ANKRD44: variants seen among roughly 807,000 people sequenced by gnomAD.
ANKRD44 encodes the protein serine/threonine-protein phosphatase 6 regulatory ankyrin repeat subunit B.
In ANKRD44, 35 loss-of-function variants were observed where a neutral mutation model predicts 116.0. That is an observed-to-expected ratio of 0.30 (90% CI 0.23 to 0.40). The LOEUF is 0.40. ANKRD44 is among the 10% of genes least tolerant of loss of function. ANKRD44 has a pLI of 1.00. For missense variants in ANKRD44, 1,014 were observed against 1,242.6 expected (o/e 0.82, Z 2.77); for synonymous variants, 435 against 461.8 (o/e 0.94, Z 0.74).
intron 3 of ANKRD44, among the ~76,000 whole-genome samples, chr2:197,142,075 T>C (rs935595626): frequency 9.2e-5 from 14 of 152,230 alleles, no homozygotes; most frequent in Non-Finnish European, 1.5e-4. Flanking sequence ...CTAGGGTATA[T>C]TGATTCTTCA....
At chr2:197,081,077 C>T (rs1358694662) in intron 15 of ANKRD44, among the ~76,000 whole-genome samples, 1 of 152,146 alleles carries the variant, frequency 6.6e-6, no homozygotes, top group Non-Finnish European at 1.5e-5. Context: ...TGATGGCAGG[C>T]ACTCCCACCC....
chr2:197,151,429 C>A (rs766028135), intron 2 of ANKRD44, among the ~76,000 whole-genome samples: 3 of 152,122 alleles, frequency 2.0e-5, no homozygotes, highest in Non-Finnish European at 4.4e-5. Flanking sequence ...AGGGGGAACA[C>A]CCCCACTATT....
chr2:197,305,096 G>A (rs2084028280), intron 1 of ANKRD44, among the ~76,000 whole-genome samples: 2 of 152,056 alleles, frequency 1.3e-5, no homozygotes, highest in East Asian at 1.9e-4. Context: ...ATTCTCAAAC[G>A]GATAAAAATG....
chr2:197,171,996 C>CTTT lies in ANKRD44; in HGVS notation c.111+15026_111+15027insAAA, dbSNP rs1559122763. Among the ~76,000 whole-genome samples, 8 of 29,314 alleles carry CTTT rather than the reference C, an allele frequency of 2.7e-4. 2 individuals are homozygous for CTTT. Among genetic ancestry groups the CTTT allele is most frequent in the Non-Finnish European group, 2.8e-4 (2 of 7,030 alleles). 19.2% of individuals were successfully genotyped at this position (29,314 alleles called of 152,430 possible). A position where few individuals can be genotyped will look rare whatever the true frequency, so the allele number is the denominator to read the frequency against. On this transcript the variant is annotated intron_variant, in intron 2 of 27. Coordinates refer to ENST00000282272, the MANE Select transcript of ANKRD44 (RefSeq NM_001195144.2). ...TATTATTACCATGTCCGTTATTTTT[C>CTTT]TTCTTTTTTTTTTTTTTTTTTGAGA... is the stretch of plus-strand genomic sequence containing the variant.
At chr2:196,968,246 A>G (rs2075689052) in intron 21 of ANKRD44, among the ~76,000 whole-genome samples, 1 of 152,196 alleles carries the variant, frequency 6.6e-6, no homozygotes, top group African/African-American at 2.4e-5. Context: ...TGGAAATGGA[A>G]TTGGTTGACG....
At chr2:197,279,826 G>A (rs567831170) in intron 1 of ANKRD44, among the ~76,000 whole-genome samples, 1 of 152,126 alleles carries the variant, frequency 6.6e-6, no homozygotes, top group Non-Finnish European at 1.5e-5. Flanking sequence ...GCCCTGCATT[G>A]GGATTGATTT....
At chr2:197,011,621 C>T (rs2076303625) in intron 18 of ANKRD44, among the ~76,000 whole-genome samples, 1 of 151,974 alleles carries the variant, frequency 6.6e-6, no homozygotes, top group Non-Finnish European at 1.5e-5. Flanking sequence ...TACAGATGCA[C>T]ACTACCATGC....
At chr2:197,106,284 A>G (rs1043915401) in intron 9 of ANKRD44, among the ~76,000 whole-genome samples, 3 of 151,954 alleles carry the variant, frequency 2.0e-5, no homozygotes, top group Non-Finnish European at 4.4e-5. Flanking sequence ...TCTACTAAAA[A>G]TACAAAAATT....
At chr2:197,292,642 T>C (rs983527994) in intron 1 of ANKRD44, among the ~76,000 whole-genome samples, 4 of 152,306 alleles carry the variant, frequency 2.6e-5, no homozygotes, top group East Asian at 3.9e-4. Flanking sequence ...AGGGAATACA[T>C]AGCGTATAAA....
At chr2:196,974,105 C>A (rs1320469325) in intron 21 of ANKRD44, among the ~76,000 whole-genome samples, 1 of 150,072 alleles carries the variant, frequency 6.7e-6, no homozygotes, top group African/African-American at 2.5e-5. Context: ...TTTTTTGAGA[C>A]AGCCTCTTGC....
chr2:197,230,969 C>A (rs2081847098), intron 1 of ANKRD44, among the ~76,000 whole-genome samples: 1 of 152,146 alleles, frequency 6.6e-6, no homozygotes, highest in South Asian at 2.1e-4. Context: ...CTCTACCCAC[C>A]TGAAAGAATG....
Position 197,110,770 on chromosome 2 carries a change from C to G in ANKRD44, c.981G>C (p.Gln327His). The change falls in exon 9 of 28, where the codon CAG becomes CAC. Residue 327 changes from glutamine (Q) to histidine (H), a missense_variant. Gln to His is a conservative substitution (Grantham distance 24, BLOSUM62 0). Transcript: ENST00000282272. ...GRFTRSQTLI[Q>H]NGGEIDCVDK... The stretch of plus-strand genomic sequence containing the variant: ...CTACTGAAGCATCTCTCTTACCATT[C>G]TGAATGAGGGTCTGTGACCGTGTGA... 1.9e-6 allele frequency: 3 copies of G among 1,613,062 alleles called. No individual in the cohort carries two copies. The highest frequency in any genetic ancestry group is 2.5e-6 in the Non-Finnish European group (3 of 1,179,064).
At chr2:197,271,658 C>T (rs10192338) in intron 1 of ANKRD44, among the ~76,000 whole-genome samples, 114,589 of 152,210 alleles carry the variant, frequency 0.75, 43,354 homozygotes, top group East Asian at 0.86. Flanking sequence ...GTTTTTGAGA[C>T]AGGGTCTCGC....
intron 18 of ANKRD44, among the ~76,000 whole-genome samples, chr2:197,011,828 G>A (rs2076306854): frequency 6.6e-6 from 1 of 152,052 alleles, no homozygotes; most frequent in African/African-American, 2.4e-5. Context: ...ATTCTCTTTG[G>A]CTTCCTACAC....
intron 26 of ANKRD44, among the ~76,000 whole-genome samples, chr2:196,994,008 T>C (rs2075967217): frequency 6.6e-6 from 1 of 152,216 alleles, no homozygotes; most frequent in Non-Finnish European, 1.5e-5. Context: ...TAACACAGCA[T>C]TTGAATCACT....
intron 16 of ANKRD44, among the ~76,000 whole-genome samples, chr2:197,068,387 T>A (rs552972003): frequency 2.6e-3 from 175 of 66,462 alleles, no homozygotes; most frequent in East Asian, 7.4e-3. Flanking sequence ...AAGAAAAAAA[T>A]AAAAAAAAAA....
At chr2:197,235,703 A>G (rs1260928786) in intron 1 of ANKRD44, among the ~76,000 whole-genome samples, 1 of 151,774 alleles carries the variant, frequency 6.6e-6, no homozygotes, top group Non-Finnish European at 1.5e-5. Context: ...AAATAATACA[A>G]TACAAATATT....
At chr2:197,068,351 T>A (rs1436465644) in intron 16 of ANKRD44, among the ~76,000 whole-genome samples, 2 of 115,668 alleles carry the variant, frequency 1.7e-5, no homozygotes, top group African/African-American at 3.2e-5. Flanking sequence ...CCCTAAAACT[T>A]AGAGTATAAT....
At chr2:197,096,569 C>A (rs1177103639) in intron 10 of ANKRD44, among the ~76,000 whole-genome samples, 1 of 152,120 alleles carries the variant, frequency 6.6e-6, no homozygotes, top group Non-Finnish European at 1.5e-5. Flanking sequence ...TAATCAAGGG[C>A]TGACATTTAT....
Sources: gnomAD v4.1 joint callset for allele counts (sites outside exome capture counted in the v4.1 genomes callset) on GRCh38, gnomAD v4.1.1 for gene constraint, MANE v1.5 for transcripts, NCBI Gene and HGNC (gene_info 2026-07-23, HGNC 2026-07-21) for gene names.